The following IKBIP variants were observed in gnomAD, a reference collection of about 807,000 sequenced individuals.
IKBIP encodes the protein IKBKB interacting protein.
A neutral mutation model predicts 31.0 loss-of-function variants in IKBIP; 28 were observed. The observed-to-expected ratio is 0.90, with a 90% CI of 0.67 to 1.24. The LOEUF is 1.24. Ranked by LOEUF, IKBIP falls within the 50% of genes most tolerant of loss-of-function variation. The pLI, the probability that IKBIP is intolerant of heterozygous loss-of-function variation, is 0.00. For missense variants in IKBIP, 453 were observed against 441.9 expected (o/e 1.03, Z -0.23); for synonymous variants, 164 against 160.3 (o/e 1.02, Z -0.17).
intron 1 of IKBIP, among the ~76,000 whole-genome samples, chr12:98,637,834 G>A (rs781691593): frequency 5.7e-4 from 87 of 152,060 alleles, no homozygotes; most frequent in Non-Finnish European, 7.4e-5. Context: ...GTGAGCCACC[G>A]CACCCAGCCT....
downstream of IKBIP, among the ~76,000 whole-genome samples, chr12:98,622,665 T>C (rs2097611029): frequency 1.3e-5 from 2 of 152,020 alleles, no homozygotes; most frequent in South Asian, 4.1e-4. Context: ...TTCAGCATCA[T>C]TACTGTGTAA....
At chr12:98,623,453 C>T (rs911384731), downstream of IKBIP, among the ~76,000 whole-genome samples, 11 of 150,700 alleles carry the variant, frequency 7.3e-5, no homozygotes, top group Admixed American at 3.3e-4. Flanking sequence ...CCATGTTATC[C>T]AGGCTGGTCT....
intron 2 of IKBIP, among the ~76,000 whole-genome samples, chr12:98,615,356 C>T (rs1380309987): frequency 6.6e-6 from 1 of 152,022 alleles, no homozygotes; most frequent in African/African-American, 2.4e-5. Context: ...CCTCAGTCTC[C>T]AGAGTAGATG....
chr12:98,632,379 T>C (rs1212251988), intron 2 of IKBIP, among the ~76,000 whole-genome samples: 2 of 142,776 alleles, frequency 1.4e-5, no homozygotes, highest in Admixed American at 7.3e-5. Flanking sequence ...GGAGGCTGAG[T>C]TGGGAGGAGT....
chr12:98,642,262 A>G (rs2097631183), intron 1 of IKBIP, among the ~76,000 whole-genome samples: 1 of 152,126 alleles, frequency 6.6e-6, no homozygotes, highest in South Asian at 2.1e-4. Context: ...CCCAGGTTCA[A>G]GTGATTCTCC....
downstream of IKBIP, among the ~76,000 whole-genome samples, chr12:98,622,494 C>G (rs2097610923): frequency 6.6e-6 from 1 of 152,162 alleles, no homozygotes; most frequent in Non-Finnish European, 1.5e-5. Flanking sequence ...TACACTCCAG[C>G]CTGGGTGACA....
intron 1 of IKBIP, among the ~76,000 whole-genome samples, chr12:98,639,558 G>A (rs1216500934): frequency 6.6e-6 from 1 of 152,222 alleles, no homozygotes; most frequent in East Asian, 1.9e-4. Context: ...AGCCATTGCA[G>A]TCTATAGAGA....
At chr12:98,619,682 TG>T (rs1404435183), downstream of IKBIP, among the ~76,000 whole-genome samples, 1 of 151,416 alleles carries the variant, frequency 6.6e-6, no homozygotes, top group Non-Finnish European at 1.5e-5. Context: ...TGAGGCGGGG[TG>T]GATGGGTCAC....
intron 2 of IKBIP, 37 bp from the exon 3 acceptor site, chr12:98,626,803 T>A: frequency 1.3e-6 from 2 of 1,496,946 alleles, no homozygotes; most frequent in South Asian, 1.3e-5. Context: ...CAAGGCTACT[T>A]AATAATTTTC....
intron 2 of IKBIP, among the ~76,000 whole-genome samples, chr12:98,627,630 G>T (rs2097615915): frequency 6.6e-6 from 1 of 151,908 alleles, no homozygotes; most frequent in Admixed American, 6.6e-5. Context: ...AGTAGAGACG[G>T]GGTTTCACCG....
At chr12:98,640,146 G>A (rs1433608310) in intron 1 of IKBIP, among the ~76,000 whole-genome samples, 1 of 152,142 alleles carries the variant, frequency 6.6e-6, no homozygotes, top group Admixed American at 6.6e-5. Flanking sequence ...CTTTTATAAA[G>A]GCAATTTAGG....
In IKBIP at chr12:98,626,153, A is replaced by G; in HGVS notation, c.911T>C (p.Met304Thr). The G allele has an allele frequency of 1.2e-6, 2 of 1,613,002 alleles. No individual in the cohort carries two copies. Among genetic ancestry groups the G allele is most frequent in the Non-Finnish European group, 1.7e-6 (2 of 1,179,278 alleles). ...CAGCATATCATCTTCCATATTAAAC[A>G]TCTGCATAGTCAAGTCTTCCATTTT... ...EKKMEDLTMQ[M>T]FNMEDDMLKA... is the part of the protein sequence containing the mutation. Residue 304 changes from methionine to threonine, a missense_variant, in exon 3 of 3, where the codon ATG (methionine) becomes ACG (threonine). By Grantham distance (81) the Met-to-Thr change is moderately conservative. Coordinates refer to ENST00000299157, the MANE Select transcript of IKBIP (RefSeq NM_153687.4).
chr12:98,627,030 G>GCAA (rs1164402086), intron 2 of IKBIP, among the ~76,000 whole-genome samples: 2 of 152,066 alleles, frequency 1.3e-5, no homozygotes, highest in Admixed American at 1.3e-4. Flanking sequence ...GTGCAGTGGA[G>GCAA]CAACCTCAGC....
chr12:98,631,374 C>T (rs1025902457), intron 2 of IKBIP, among the ~76,000 whole-genome samples: 5 of 150,998 alleles, frequency 3.3e-5, no homozygotes, highest in African/African-American at 4.9e-5. Context: ...TCTGCCTCCC[C>T]GGTTTAAGCG....
chr12:98,638,134 T>C (rs2097627473), intron 1 of IKBIP, among the ~76,000 whole-genome samples: 3 of 152,272 alleles, frequency 2.0e-5, no homozygotes, highest in Middle Eastern at 3.4e-3. Flanking sequence ...TGGCCTTTTG[T>C]TGGGGATTAA....
intron 2 of IKBIP, among the ~76,000 whole-genome samples, chr12:98,618,163 A>T (rs1383931727): frequency 2.0e-5 from 3 of 152,152 alleles, no homozygotes; most frequent in African/African-American, 7.2e-5. Flanking sequence ...CTGGGCACAT[A>T]GCAAGACCCC....
Position 98,643,074 on chromosome 12 carries a change from T to G in IKBIP, c.179+1449A>C, listed in dbSNP as rs567310913. On this transcript the variant is annotated intron_variant, in intron 1 of 2. Coordinates refer to ENST00000299157, the MANE Select transcript of IKBIP (RefSeq NM_153687.4). Reference sequence around the variant, plus strand: ...TTCGAGTGATTCTCCTGCCTCAGCCTCCTGAATAGCTGGGATTGCAGGTTT... The same window carrying G: ...TTCGAGTGATTCTCCTGCCTCAGCCGCCTGAATAGCTGGGATTGCAGGTTT... Among the ~76,000 whole-genome samples, 8 of 152,240 alleles carry G rather than the reference T, an allele frequency of 5.3e-5. No homozygotes were observed. In the South Asian group the frequency reaches 1.7e-3, roughly 32 times the overall value.
chr12:98,624,436 C>T lies in IKBIP; in HGVS notation c.*1494G>A, dbSNP rs2097612411. 1 of 984,908 alleles carries T rather than the reference C, an allele frequency of 1.0e-6. No individual in the cohort carries two copies. Among genetic ancestry groups the T allele is most frequent in the African/African-American group, 1.7e-5 (1 of 57,214 alleles). 61.0% of individuals were successfully genotyped at this position (984,908 alleles called of 1,614,324 possible). On this transcript the variant is annotated 3_prime_UTR_variant, in exon 3 of 3. Transcript: ENST00000299157. ...ATGATTCACGCTGTCTACCACAGGC[C>T]CTCCTAACTCCAGTGGAGAAGGAGT...
chr12:98,625,807 G>A lies in IKBIP; in HGVS notation c.*123C>T. 11 of 731,582 alleles carry A rather than the reference G, an allele frequency of 1.5e-5. No homozygotes were observed. Among genetic ancestry groups the A allele is most frequent in the South Asian group, 5.6e-5 (1 of 17,996 alleles). The allele number at this position is 731,582 out of a possible 1,614,324, so 45.3% of individuals were successfully genotyped here. ...TTGATTATGTGGATAATCCATTTGT[G>A]TGGACATCTCATTTATTTTCCAATA... On this transcript the variant is annotated 3_prime_UTR_variant, in exon 3 of 3. Coordinates refer to ENST00000299157, the MANE Select transcript of IKBIP (RefSeq NM_153687.4).
Sources: gnomAD v4.1 joint callset for allele counts (sites outside exome capture counted in the v4.1 genomes callset) on GRCh38, gnomAD v4.1.1 for gene constraint, MANE v1.5 for transcripts, NCBI Gene and HGNC (gene_info 2026-07-23, HGNC 2026-07-21) for gene names.